The following VPS37B variants were observed in gnomAD, a reference collection of about 807,000 sequenced individuals.
VPS37B encodes the protein vacuolar protein sorting-associated protein 37B.
Under a neutral mutation model 21.2 loss-of-function variants are expected in VPS37B, and 11 were observed. That is an observed-to-expected ratio of 0.52 (90% CI 0.33 to 0.86). The LOEUF is 0.86. Among genes scored for constraint, VPS37B ranks in the 40% least tolerant of loss-of-function variants. VPS37B has a pLI of 0.03. For synonymous variants in VPS37B, 175 were observed against 159.6 expected (o/e 1.10, Z -0.73); for missense variants, 389 against 374.8 (o/e 1.04, Z -0.31).
At position 122,866,943 on chromosome 12, in the gene VPS37B, C is replaced by T. The variant is rs1488729177; in HGVS notation, c.*173G>A. The T allele has an allele frequency of 3.9e-6, 3 of 770,816 alleles. No individual in the cohort carries two copies. The highest frequency in any genetic ancestry group is 1.8e-5 in the African/African-American group (1 of 55,748). The allele number at this position is 770,816 out of a possible 1,614,324, so 47.7% of individuals were successfully genotyped here. ...CCGGCACACACAACTGCCTTGATGC[C>T]CAAAGCCTGGGCTCCTACTACTCAC... On this transcript the variant is annotated 3_prime_UTR_variant, in exon 4 of 4. Coordinates refer to ENST00000267202, the MANE Select transcript of VPS37B (RefSeq NM_024667.3).
At chr12:122,871,764 A>G (rs971861823) in intron 1 of VPS37B, 2 of 968,176 alleles carry the variant, frequency 2.1e-6, no homozygotes, top group Non-Finnish European at 2.5e-6. Context: ...AAGAAGCCAC[A>G]TGCCCAGAAC....
Position 122,868,592 on chromosome 12 carries a change from G to C in VPS37B, c.284-30C>G. 6.3e-7 allele frequency: 1 copy of C among 1,597,796 alleles called. No homozygotes were observed. Among genetic ancestry groups the C allele is most frequent in the Non-Finnish European group, 8.6e-7 (1 of 1,168,956 alleles). On this transcript the variant is annotated intron_variant, in intron 2 of 3. Transcript: ENST00000267202. The surrounding 1 kb of genome is among the most constrained non-coding windows in gnomAD (Gnocchi z 5.5). ...AAAAAAAGCAAGAGGTATGACAAAA[G>C]TGAGAGGTGTCCAGGTAAAGCCCTT...
Position 122,868,349 on chromosome 12 carries a change from G to C in VPS37B, c.366+131C>G, listed in dbSNP as rs1018566615. The C allele has an allele frequency of 1.2e-6, 1 of 805,612 alleles. No homozygotes were observed. Among genetic ancestry groups the C allele is most frequent in the Non-Finnish European group, 2.0e-6 (1 of 493,782 alleles). The allele number at this position is 805,612 out of a possible 1,614,324, so 49.9% of individuals were successfully genotyped here. ...AGCACACAGGCCAGGCTGCCTGCTG[G>C]TATACAGCCCGTACACCTGGGAGGC... On this transcript the variant is annotated intron_variant, in intron 3 of 3. Transcript: ENST00000267202. The surrounding 1 kb of genome is among the most constrained non-coding windows in gnomAD (Gnocchi z 5.5).
At chr12:122,883,496 T>C (rs74589436) in intron 1 of VPS37B, 1 of 152,278 alleles carries the variant, frequency 6.6e-6, no homozygotes. Flanking sequence ...TTTTCTTTTT[T>C]CTTTTTTTTG....
At chr12:122,877,952 T>C (rs1462501005) in intron 1 of VPS37B, 2 of 152,184 alleles carry the variant, frequency 1.3e-5, no homozygotes, top group African/African-American at 4.8e-5. Flanking sequence ...TCAGGCATCA[T>C]CACGGGCTGG....
intron 1 of VPS37B, chr12:122,887,246 C>T (rs1380165566): frequency 6.6e-6 from 1 of 152,160 alleles, no homozygotes; most frequent in Non-Finnish European, 1.5e-5. Flanking sequence ...CCCCTCAAAT[C>T]CATCCTTCCC....
intron 1 of VPS37B, chr12:122,879,115 G>C (rs897559633): frequency 3.9e-5 from 6 of 152,368 alleles, no homozygotes; most frequent in Admixed American, 6.5e-5. Context: ...AGAGGGAACA[G>C]GGTACCCTGA....
chr12:122,896,005 C>T lies in VPS37B; in HGVS notation c.58G>A (p.Glu20Lys). 1 of 1,605,586 alleles carries T rather than the reference C, an allele frequency of 6.2e-7. No homozygotes were observed. The highest frequency in any genetic ancestry group is 8.5e-7 in the Non-Finnish European group (1 of 1,177,138). ...FAGLSLVQLNELLEDEGQLTE... is the reference protein window; with the variant it reads ...FAGLSLVQLNKLLEDEGQLTE... ...AGCTGGCCCTCGTCCTCCAGCAGCT[C>T]GTTGAGCTGCACCAGCGACAGCCCG... The change falls in exon 1 of 4, where the codon GAG becomes AAG. Residue 20 changes from glutamate to lysine, a missense_variant. Glu to Lys is a moderately conservative substitution (Grantham distance 56). Transcript: ENST00000267202.
In VPS37B at chr12:122,866,397, A is replaced by C. The variant is rs1392337741; in HGVS notation, c.*719T>G. The stretch of plus-strand genomic sequence containing the variant: ...ATTGGGGGATTATTTCTTCATAGAA[A>C]CCTTCAGGGCCGGCTCCAGGCAGGC... On this transcript the variant is annotated 3_prime_UTR_variant, in exon 4 of 4. Coordinates refer to ENST00000267202, the MANE Select transcript of VPS37B (RefSeq NM_024667.3). 6.6e-6 allele frequency: 1 copy of C among 152,512 alleles called. No individual in the cohort carries two copies. The highest frequency in any genetic ancestry group is 2.4e-5 in the African/African-American group (1 of 41,432). The allele number at this position is 152,512 out of a possible 1,614,324, so 9.4% of individuals were successfully genotyped here.
chr12:122,894,667 A>G (rs2034463276), intron 1 of VPS37B, among the ~76,000 whole-genome samples: 2 of 152,248 alleles, frequency 1.3e-5, no homozygotes, highest in African/African-American at 2.4e-5. Context: ...GAGGAGAACC[A>G]GACCCAAAAG....
intron 1 of VPS37B, chr12:122,883,110 C>T (rs2034272496): frequency 6.6e-6 from 1 of 152,218 alleles, no homozygotes; most frequent in African/African-American, 2.4e-5. Context: ...AGGAAGGAAA[C>T]TTACCAGCTG....
At position 122,865,399 on chromosome 12, in the gene VPS37B, G is replaced by A. The variant is rs2033877332; in HGVS notation, c.*1717C>T. 2.6e-5 allele frequency: 4 copies of A among 152,284 alleles called. No homozygotes were observed. Among genetic ancestry groups the A allele is most frequent in the Admixed American group, 2.6e-4 (4 of 15,292 alleles). The allele number at this position is 152,284 out of a possible 1,614,324, so 9.4% of individuals were successfully genotyped here. A position where few individuals can be genotyped will look rare whatever the true frequency, so the allele number is the denominator to read the frequency against. ...CAGCCACAGCACCGGACACGGCCCTGGACAGCGACGGCGAGCCCGGCCAGG... is the reference window on the plus strand; with the variant it reads ...CAGCCACAGCACCGGACACGGCCCTAGACAGCGACGGCGAGCCCGGCCAGG... On this transcript the variant is annotated 3_prime_UTR_variant, in exon 4 of 4. Transcript: ENST00000267202.
chr12:122,884,017 A>C (rs1166867740), intron 1 of VPS37B: 1 of 152,248 alleles, frequency 6.6e-6, no homozygotes, highest in Non-Finnish European at 1.5e-5. Flanking sequence ...TCACAAAGTT[A>C]ACTGCCTTTG....
intron 1 of VPS37B, chr12:122,876,896 G>C (rs375399930): frequency 6.6e-6 from 1 of 152,254 alleles, no homozygotes; most frequent in Non-Finnish European, 1.5e-5. Context: ...AGAGGCAGGA[G>C]ACCGCCTGCA....
At chr12:122,872,582 G>A (rs1281673608) in intron 1 of VPS37B, 10 of 985,230 alleles carry the variant, frequency 1.0e-5, no homozygotes, top group Non-Finnish European at 1.2e-5. Flanking sequence ...TGGGGCTCCC[G>A]TCACCCGCTT....
At chr12:122,884,054 G>A (rs369270602) in intron 1 of VPS37B, 3 of 152,172 alleles carry the variant, frequency 2.0e-5, no homozygotes, top group African/African-American at 4.8e-5. Flanking sequence ...TAGGCCTTCC[G>A]AATTAGAATC....
In VPS37B at chr12:122,896,101, C is replaced by G. The variant is rs762065622; in HGVS notation, c.-39G>C. Reference sequence around the variant, plus strand: ...CCGTCGTCGCCACCGCCGCTGCGGCCACCAGGCTCCGCCGACCGGAAGCGC... The same window carrying G: ...CCGTCGTCGCCACCGCCGCTGCGGCGACCAGGCTCCGCCGACCGGAAGCGC... On this transcript the variant is annotated 5_prime_UTR_variant, in exon 1 of 4. Coordinates refer to ENST00000267202, the MANE Select transcript of VPS37B (RefSeq NM_024667.3). 6.6e-6 allele frequency: 10 copies of G among 1,515,694 alleles called. No homozygotes were observed. The highest frequency in any genetic ancestry group is 8.8e-6 in the Non-Finnish European group (10 of 1,139,318). The allele number at this position is 1,515,694 out of a possible 1,614,324, so 93.9% of individuals were successfully genotyped here.
intron 1 of VPS37B, chr12:122,875,845 T>TAAAAAAA (rs397948172): frequency 5.9e-5 from 5 of 84,232 alleles, no homozygotes; most frequent in Non-Finnish European, 1.3e-4. Flanking sequence ...ACCATCAAAC[T>TAAAAAAA]AAAAAAAAAA....
In VPS37B at chr12:122,868,417, G is replaced by A. The variant is rs2033952961; in HGVS notation, c.366+63C>T. ...CGGTGTGGCACTCACGGTCCCTGGA[G>A]GCAGCGGGCCCACGGACTGCCCAAA... On this transcript the variant is annotated intron_variant, in intron 3 of 3. Transcript: ENST00000267202. The surrounding 1 kb of genome is among the most constrained non-coding windows in gnomAD (Gnocchi z 5.5). 4.1e-6 allele frequency: 6 copies of A among 1,480,806 alleles called. No homozygotes were observed. Among genetic ancestry groups the A allele is most frequent in the South Asian group, 2.4e-5 (2 of 85,008 alleles). The allele number at this position is 1,480,806 out of a possible 1,614,324, so 91.7% of individuals were successfully genotyped here. A position where few individuals can be genotyped will look rare whatever the true frequency, so the allele number is the denominator to read the frequency against.
Sources: allele counts gnomAD v4.1 joint callset (sites outside exome capture counted in the v4.1 genomes callset), GRCh38; gene constraint gnomAD v4.1.1; non-coding constraint Gnocchi (gnomAD v3.1); transcripts MANE v1.5; gene names NCBI Gene and HGNC (gene_info 2026-07-23, HGNC 2026-07-21).